The following CIB4 variants were observed in gnomAD, a reference collection of about 807,000 sequenced individuals.
The protein encoded by CIB4 is calcium and integrin-binding family member 4.
CIB4 carries 25 observed loss-of-function variants against 25.8 expected under a neutral mutation model. The observed-to-expected ratio is 0.97, with a 90% confidence interval of 0.71 to 1.35. CIB4 has a LOEUF of 1.35. Among genes scored for constraint, CIB4 ranks in the 40% most tolerant of loss-of-function variants. The pLI, the probability that CIB4 is intolerant of heterozygous loss-of-function variation, is 0.00. For missense variants in CIB4, 235 were observed against 228.2 expected, an observed-to-expected ratio of 1.03 and a Z score of -0.19; for synonymous variants, 75 against 81.4, an observed-to-expected ratio of 0.92 and a Z score of 0.42.
intron 1 of CIB4, 149 bp from the exon 2 acceptor site, chr2:26,640,716 G>A: frequency 1.3e-6 from 1 of 766,646 alleles, no homozygotes; most frequent in Non-Finnish European, 2.2e-6. Context: ...GATGCCTGAG[G>A]TGGCAGCAGG....
chr2:26,588,985 T>TTCTTCTTCTTCTTCTTCC lies in CIB4; in HGVS notation c.329-5088_329-5087insGGAAGAAGAAGAAGAAGA, dbSNP rs1321338238. 6.0e-3 allele frequency among the ~76,000 whole-genome samples: 20 copies of TTCTTCTTCTTCTTCTTCC among 3,340 alleles called. 4 individuals are homozygous for TTCTTCTTCTTCTTCTTCC. The highest frequency in any genetic ancestry group is 0.013 in the African/African-American group (18 of 1,356). The allele number at this position is 3,340 out of a possible 152,430, so 2.2% of individuals were successfully genotyped here. A position where few individuals can be genotyped will look rare whatever the true frequency, so the allele number is the denominator to read the frequency against. On this transcript the variant is annotated intron_variant, in intron 4 of 6. Transcript: ENST00000288861. ...CGCTGCTGCCGCTTCTTCTTTCTTC[T>TTCTTCTTCTTCTTCTTCC]TCTTCTTCTTCTTCTTCTTCTTCTT...
At position 26,601,451 on chromosome 2, in the gene CIB4, G is replaced by A. The variant is rs550165467; in HGVS notation, c.187-6134C>T. 4.3e-4 allele frequency among the ~76,000 whole-genome samples: 65 copies of A among 151,918 alleles called. 1 individual carries two copies. The highest frequency in any genetic ancestry group is 8.3e-4 in the South Asian group (4 of 4,808). ...CAGTCTTTTCCATAAGTGATGTTGG[G>A]TTTAGTGGACATTCATATGGGGAAA... On this transcript the variant is annotated intron_variant, in intron 3 of 6. Transcript: ENST00000288861.
intron 3 of CIB4, among the ~76,000 whole-genome samples, chr2:26,611,218 C>T (rs1410400806): frequency 6.6e-6 from 1 of 152,224 alleles, no homozygotes; most frequent in Non-Finnish European, 1.5e-5. Flanking sequence ...GCAGGAGATG[C>T]AACCTAGCCT....
chr2:26,632,683 G>A (rs187498907), intron 2 of CIB4, among the ~76,000 whole-genome samples: 69 of 151,862 alleles, frequency 4.5e-4, no homozygotes, highest in African/African-American at 1.5e-3. Flanking sequence ...GCTTGAACTC[G>A]GGAGGTAGAG....
chr2:26,627,305 T>A lies in CIB4; in HGVS notation c.186+2105A>T, dbSNP rs1310042751. 2.0e-5 allele frequency among the ~76,000 whole-genome samples: 3 copies of A among 152,222 alleles called. No homozygotes were observed. The highest frequency in any genetic ancestry group is 4.4e-5 in the Non-Finnish European group (3 of 68,032). ...GGAACTAGTCCAGACTCTTCCATCA[T>A]GTGGCCCCTTGGAAGTTGTTTCCCT... On this transcript the variant is annotated intron_variant, in intron 3 of 6. Coordinates refer to ENST00000288861, the MANE Select transcript of CIB4 (RefSeq NM_001029881.3). This position sits in a 1 kb window ranked among gnomAD's most constrained non-coding sequence, Gnocchi z 4.0.
chr2:26,616,316 C>T (rs996327866), intron 3 of CIB4, among the ~76,000 whole-genome samples: 3 of 152,158 alleles, frequency 2.0e-5, no homozygotes, highest in Non-Finnish European at 2.9e-5. Flanking sequence ...GAGTGGAGGT[C>T]GCCAACTCCT....
intron 2 of CIB4, among the ~76,000 whole-genome samples, chr2:26,630,415 C>T (rs1037931793): frequency 6.6e-6 from 1 of 152,162 alleles, no homozygotes; most frequent in Non-Finnish European, 1.5e-5. Flanking sequence ...TGTGTGACCT[C>T]GGGCAACTCA....
intron 4 of CIB4, among the ~76,000 whole-genome samples, chr2:26,585,548 T>C (rs1668435476): frequency 6.6e-6 from 1 of 152,018 alleles, no homozygotes; most frequent in Non-Finnish European, 1.5e-5. Context: ...TGAATTATAA[T>C]AATCACCACC....
chr2:26,640,621 C>A, intron 1 of CIB4, 54 bp from the exon 2 acceptor site: 1 of 1,568,926 alleles, frequency 6.4e-7, no homozygotes, highest in Non-Finnish European at 8.7e-7. Context: ...CCTGCTGTGG[C>A]CCCTGGGGAG....
chr2:26,584,698 T>G (rs1468815624), intron 4 of CIB4, among the ~76,000 whole-genome samples: 1 of 152,222 alleles, frequency 6.6e-6, no homozygotes, highest in African/African-American at 2.4e-5. Flanking sequence ...ACAGGGAGCC[T>G]GCAGACCATG....
intron 4 of CIB4, among the ~76,000 whole-genome samples, chr2:26,586,068 G>A (rs1470632689): frequency 6.6e-6 from 1 of 152,088 alleles, no homozygotes; most frequent in Non-Finnish European, 1.5e-5. Context: ...CCCAGCCACC[G>A]TTGCCTCTCT....
intron 2 of CIB4, among the ~76,000 whole-genome samples, chr2:26,637,820 C>T (rs1669562047): frequency 1.3e-5 from 2 of 152,136 alleles, no homozygotes; most frequent in South Asian, 4.1e-4. Flanking sequence ...CTGGAGACTC[C>T]CCTTGGTTTA....
chr2:26,589,139 T>C (rs1002307693), intron 4 of CIB4, among the ~76,000 whole-genome samples: 5 of 123,206 alleles, frequency 4.1e-5, no homozygotes, highest in Non-Finnish European at 6.7e-5. Flanking sequence ...TTCTTCTTCT[T>C]CTCCTTCCCC....
rs180919092 is a variant in CIB4, at chr2:26,590,479, G to C, written c.328+4697C>G. On this transcript the variant is annotated intron_variant, in intron 4 of 6. Coordinates refer to ENST00000288861, the MANE Select transcript of CIB4 (RefSeq NM_001029881.3). ...TGCTGCTCTGTGGGCCACACCGGGG[G>C]TAGCAAGGGGCCGGAGCACTGAGTT... Among the ~76,000 whole-genome samples, 426 of 152,222 alleles carry C rather than the reference G, an allele frequency of 2.8e-3. 4 individuals are homozygous for C. The highest frequency in any genetic ancestry group is 4.7e-3 in the Admixed American group (72 of 15,290).
At chr2:26,628,304 G>A (rs553443412) in intron 3 of CIB4, among the ~76,000 whole-genome samples, 1 of 152,146 alleles carries the variant, frequency 6.6e-6, no homozygotes, top group African/African-American at 2.4e-5. Flanking sequence ...GGGAGGTGGG[G>A]GGAGCAGGGA....
chr2:26,614,047 C>T (rs1157927763), intron 3 of CIB4, among the ~76,000 whole-genome samples: 1 of 151,270 alleles, frequency 6.6e-6, no homozygotes, highest in Non-Finnish European at 1.5e-5. Context: ...CCAGGGCCTG[C>T]AGAGGGTCAA....
chr2:26,615,563 C>A (rs1669076254), intron 3 of CIB4, among the ~76,000 whole-genome samples: 1 of 134,516 alleles, frequency 7.4e-6, no homozygotes, highest in Non-Finnish European at 1.6e-5. Flanking sequence ...GATGGGAAAG[C>A]TAAAACTAGA....
intron 4 of CIB4, among the ~76,000 whole-genome samples, chr2:26,590,335 CA>C (rs1156905474): frequency 1.4e-5 from 2 of 144,270 alleles, no homozygotes; most frequent in Admixed American, 1.4e-4. Context: ...TGGGTTAGAT[CA>C]ATGCTTCTTA....
chr2:26,610,885 T>C (rs868344776), intron 3 of CIB4, among the ~76,000 whole-genome samples: 6 of 152,224 alleles, frequency 3.9e-5, no homozygotes, highest in Non-Finnish European at 8.8e-5. Flanking sequence ...CCCAGGTCTG[T>C]GTGACCCTCA....
Sources: gnomAD v4.1 joint callset for allele counts (sites outside exome capture counted in the v4.1 genomes callset) on GRCh38, gnomAD v4.1.1 for gene constraint, Gnocchi (gnomAD v3.1) non-coding constraint, MANE v1.5 for transcripts, NCBI Gene and HGNC (gene_info 2026-07-23, HGNC 2026-07-21) for gene names.